Variants in MNAT1 observed in about 807,000 individuals in gnomAD.
MNAT1 encodes the protein CDK-activating kinase assembly factor MAT1.
A neutral mutation model predicts 42.0 loss-of-function variants in MNAT1; 43 were observed. The ratio of observed to expected loss-of-function variants is 1.02; its 90% CI spans 0.80 to 1.32. The LOEUF is 1.32. Among genes scored for constraint, MNAT1 ranks in the 40% most tolerant of loss-of-function variants. MNAT1 has a pLI of 0.00. For synonymous variants in MNAT1, 118 were observed against 120.0 expected (o/e 0.98, Z 0.11); for missense variants, 306 against 350.4 (o/e 0.87, Z 1.01).
At chr14:60,780,239 A>G in intron 1 of MNAT1, 1 of 1,432,308 alleles carries the variant, frequency 7.0e-7, no homozygotes, top group East Asian at 2.3e-5. Context: ...GGTTGTAGTT[A>G]TCTCAAATAT....
At chr14:60,933,078 TG>T (rs2035921126) in intron 7 of MNAT1, among the ~76,000 whole-genome samples, 1 of 151,990 alleles carries the variant, frequency 6.6e-6, no homozygotes, top group Non-Finnish European at 1.5e-5. Context: ...CTTTATGAAA[TG>T]GAGATATCTA....
At chr14:60,863,260 G>A (rs1250706174) in intron 6 of MNAT1, among the ~76,000 whole-genome samples, 2 of 152,130 alleles carry the variant, frequency 1.3e-5, no homozygotes, top group East Asian at 3.8e-4. Flanking sequence ...ATATAACTAA[G>A]TAGATGCATA....
intron 6 of MNAT1, among the ~76,000 whole-genome samples, chr14:60,822,089 G>T (rs1405053105): frequency 6.6e-6 from 1 of 151,688 alleles, no homozygotes; most frequent in Non-Finnish European, 1.5e-5. Flanking sequence ...TTTACCTGTG[G>T]TATGTTTTGA....
In MNAT1 at chr14:60,956,804, A is replaced by C. The variant is rs77395121; in HGVS notation, c.810-11425A>C. 3.3e-3 allele frequency among the ~76,000 whole-genome samples: 509 copies of C among 152,278 alleles called. 14 individuals carry two copies. The East Asian group carries it at 0.08, about 24-fold the overall frequency. On this transcript the variant is annotated intron_variant, in intron 7 of 7. Coordinates refer to ENST00000261245, the MANE Select transcript of MNAT1 (RefSeq NM_002431.4). Reference sequence around the variant, plus strand: ...ACTTAACATCTGTTTTGTCTGATGTAAGTTTACCTGTCCCTGTTCTTTTTG... The same window carrying C: ...ACTTAACATCTGTTTTGTCTGATGTCAGTTTACCTGTCCCTGTTCTTTTTG...
intron 7 of MNAT1, among the ~76,000 whole-genome samples, chr14:60,960,364 C>G (rs2036566264): frequency 6.6e-6 from 1 of 152,212 alleles, no homozygotes. Context: ...CTCTAGGCCT[C>G]TGCCTTAGGC....
intron 7 of MNAT1, among the ~76,000 whole-genome samples, chr14:60,955,607 G>A (rs1358766858): frequency 6.6e-6 from 1 of 152,220 alleles, no homozygotes; most frequent in Non-Finnish European, 1.5e-5. Context: ...GTTGCAGTGA[G>A]CCAAGATCGC....
At chr14:60,930,438 G>A (rs1054184818) in intron 7 of MNAT1, among the ~76,000 whole-genome samples, 4 of 152,018 alleles carry the variant, frequency 2.6e-5, no homozygotes, top group Non-Finnish European at 4.4e-5. Context: ...AGAGAAGTAT[G>A]ATATTGCCAA....
chr14:60,755,571 A>G (rs1321280925), intron 1 of MNAT1, among the ~76,000 whole-genome samples: 1 of 152,240 alleles, frequency 6.6e-6, no homozygotes, highest in Non-Finnish European at 1.5e-5. Context: ...CACTGCACAC[A>G]GCCTGGAATT....
At chr14:60,855,577 C>T (rs1211211543) in intron 6 of MNAT1, among the ~76,000 whole-genome samples, 2 of 152,164 alleles carry the variant, frequency 1.3e-5, no homozygotes, top group Admixed American at 6.5e-5. Context: ...GCTCCTTGCA[C>T]TTCCTGGGTG....
At chr14:60,943,886 C>T (rs749379515) in intron 7 of MNAT1, among the ~76,000 whole-genome samples, 10 of 152,156 alleles carry the variant, frequency 6.6e-5, no homozygotes, top group Non-Finnish European at 1.3e-4. Context: ...TAATTATAAC[C>T]GAAGCAAGAT....
chr14:60,789,205 G>A lies in MNAT1; in HGVS notation c.90-7012G>A, dbSNP rs533142952. ...TGGGAGGTCTGAGAAGAGGGAGAGAGTTGGAGGAACAGTCAGTTGGTGAAG... is the reference window on the plus strand; with the variant it reads ...TGGGAGGTCTGAGAAGAGGGAGAGAATTGGAGGAACAGTCAGTTGGTGAAG... On this transcript the variant is annotated intron_variant, in intron 1 of 7. Transcript: ENST00000261245. 3.9e-5 allele frequency among the ~76,000 whole-genome samples: 6 copies of A among 152,234 alleles called. No individual in the cohort carries two copies. The South Asian group carries it at 1.2e-3, about 32-fold the overall frequency.
intron 7 of MNAT1, among the ~76,000 whole-genome samples, chr14:60,921,020 C>G (rs1351480684): frequency 6.6e-6 from 1 of 152,118 alleles, no homozygotes. Context: ...CTTCTGTCTC[C>G]TTATTAACTG....
At position 60,879,832 on chromosome 14, in the gene MNAT1, T is replaced by C; in HGVS notation, c.806T>C (p.Leu269Pro). 1.2e-6 allele frequency: 2 copies of C among 1,612,444 alleles called. No homozygotes were observed. Among genetic ancestry groups the C allele is most frequent in the Non-Finnish European group, 1.7e-6 (2 of 1,179,158 alleles). Residue 269 changes from leucine to proline, a missense_variant, in exon 7 of 8, where the codon CTT becomes CCT. Transcript: ENST00000261245. Reference protein sequence around the residue: ...HVPELEMLGRLGYLNHVRAAS... With the variant: ...HVPELEMLGRPGYLNHVRAAS... ...CCTGAGCTTGAGATGCTAGGAAGAC[T>C]TGGGTATGTGTCCTAAAGAACTTTA...
At chr14:60,791,422 G>A (rs2031814591) in intron 1 of MNAT1, among the ~76,000 whole-genome samples, 1 of 152,006 alleles carries the variant, frequency 6.6e-6, no homozygotes, top group African/African-American at 2.4e-5. Flanking sequence ...AAAGCACTTT[G>A]TTGAGGTAGT....
At position 60,740,583 on chromosome 14, in the gene MNAT1, T is replaced by G. The variant is rs1253224651; in HGVS notation, c.89+5632T>G. On this transcript the variant is annotated intron_variant, in intron 1 of 7. Coordinates refer to ENST00000261245, the MANE Select transcript of MNAT1 (RefSeq NM_002431.4). The surrounding 1 kb of genome is among the most constrained non-coding windows in gnomAD (Gnocchi z 4.1). ...AACTCATTTAATATACTGATCTTAT[T>G]CAGTACCTTTGTGCAAATTGGGAAA... 6.6e-6 allele frequency among the ~76,000 whole-genome samples: 1 copy of G among 152,226 alleles called. No individual in the cohort carries two copies. Among genetic ancestry groups the G allele is most frequent in the Non-Finnish European group, 1.5e-5 (1 of 68,036 alleles).
At chr14:60,908,480 A>T (rs1263127091) in intron 7 of MNAT1, among the ~76,000 whole-genome samples, 1 of 142,138 alleles carries the variant, frequency 7.0e-6, no homozygotes, top group South Asian at 2.3e-4. Context: ...CAACCCCCCG[A>T]CCCCACAACA....
chr14:60,931,263 GT>G (rs1303565826), intron 7 of MNAT1, among the ~76,000 whole-genome samples: 3 of 152,162 alleles, frequency 2.0e-5, no homozygotes, highest in Non-Finnish European at 4.4e-5. Flanking sequence ...TTCCTTCAGA[GT>G]TTTGCACAGC....
At chr14:60,769,837 G>GT (rs904429624) in intron 1 of MNAT1, among the ~76,000 whole-genome samples, 23 of 151,634 alleles carry the variant, frequency 1.5e-4, no homozygotes, top group South Asian at 6.3e-4. Flanking sequence ...TTTTTAAAAT[G>GT]TTTTTTTTGT....
chr14:60,955,251 T>G (rs573546735), intron 7 of MNAT1, among the ~76,000 whole-genome samples: 1 of 152,316 alleles, frequency 6.6e-6, no homozygotes, highest in South Asian at 2.1e-4. Flanking sequence ...TGTCTCCTTT[T>G]CAGTTTTTAG....
Sources: gnomAD v4.1 joint callset for allele counts (sites outside exome capture counted in the v4.1 genomes callset) on GRCh38, gnomAD v4.1.1 for gene constraint, Gnocchi (gnomAD v3.1) non-coding constraint, MANE v1.5 for transcripts, NCBI Gene and HGNC (gene_info 2026-07-23, HGNC 2026-07-21) for gene names.